FOXN3: variants seen among roughly 807,000 people sequenced by gnomAD.
FOXN3 encodes the protein forkhead box N3.
Under a neutral mutation model 38.4 loss-of-function variants are expected in FOXN3, and 7 were observed. The observed-to-expected ratio is 0.18, with a 90% CI of 0.10 to 0.34. The LOEUF is 0.34. Ranked by LOEUF, FOXN3 falls within the 10% of genes least tolerant of loss-of-function variation. FOXN3 has a pLI of 1.00. For synonymous variants in FOXN3, 230 were observed against 242.2 expected (o/e 0.95, Z 0.47); for missense variants, 456 against 613.4 (o/e 0.74, Z 2.71).
intron 3 of FOXN3, among the ~76,000 whole-genome samples, chr14:89,289,918 A>G (rs1309776880): frequency 3.3e-5 from 5 of 152,220 alleles, no homozygotes; most frequent in African/African-American, 1.2e-4. Flanking sequence ...TTTACCTATC[A>G]GTTACTATGT....
At chr14:89,479,857 C>T (rs543511121) in intron 1 of FOXN3, among the ~76,000 whole-genome samples, 38 of 152,230 alleles carry the variant, frequency 2.5e-4, no homozygotes, top group Admixed American at 1.1e-3. Context: ...AGAGCCATTA[C>T]CAAAGGTGCT....
At chr14:89,441,921 A>ATTTTTT (rs1892392182) in intron 1 of FOXN3, among the ~76,000 whole-genome samples, 1 of 93,098 alleles carries the variant, frequency 1.1e-5, no homozygotes, top group African/African-American at 4.1e-5. Context: ...AAACCGGCTG[A>ATTTTTT]CTTTTTTTTT....
At chr14:89,604,208 C>A (rs1896217166) in intron 1 of FOXN3, among the ~76,000 whole-genome samples, 1 of 35,292 alleles carries the variant, frequency 2.8e-5, no homozygotes, top group South Asian at 6.3e-4. Context: ...CAAAACAAAA[C>A]ACACACACAC....
upstream of FOXN3, chr14:89,419,514 C>T (rs1891847312): frequency 4.4e-6 from 1 of 228,516 alleles, no homozygotes; most frequent in Admixed American, 5.3e-5. Context: ...TTTACAAACA[C>T]ATTTAACAGC....
intron 3 of FOXN3, 196 bp downstream of exon 3, chr14:89,350,474 CCT>C (rs761771673): frequency 2.6e-5 from 11 of 419,742 alleles, no homozygotes; most frequent in Non-Finnish European, 4.1e-5. Context: ...GAAGCACATT[CCT>C]CTGACGCTGC....
rs571451976 is a variant in FOXN3 at position 89,345,864 on chromosome 14, C to G, written c.680+4808G>C. Among the ~76,000 whole-genome samples, 7 of 152,282 alleles carry G rather than the reference C, an allele frequency of 4.6e-5. No individual in the cohort carries two copies. The South Asian group carries it at 1.4e-3, about 32-fold the overall frequency. ...GTCAGGAGTTCAAGACCAGCCTGGC[C>G]AAGATGGTGAAACCCCGTCTCTACT... On this transcript the variant is annotated intron_variant, in intron 3 of 5. Coordinates refer to ENST00000557258, the MANE Select transcript of FOXN3 (RefSeq NM_005197.4).
intron 1 of FOXN3, among the ~76,000 whole-genome samples, chr14:89,504,550 G>A (rs1167296590): frequency 6.6e-6 from 1 of 152,136 alleles, no homozygotes; most frequent in Non-Finnish European, 1.5e-5. Flanking sequence ...CATTAGAGAA[G>A]GCCACAGTAA....
At chr14:89,256,025 C>T (rs1036020571) in intron 4 of FOXN3, among the ~76,000 whole-genome samples, 5 of 152,218 alleles carry the variant, frequency 3.3e-5, no homozygotes, top group Middle Eastern at 3.4e-3. Context: ...GGAGGTGGGT[C>T]TGACACCAGC....
chr14:89,396,642 G>A (rs1392914562), intron 2 of FOXN3, among the ~76,000 whole-genome samples: 2 of 152,074 alleles, frequency 1.3e-5, no homozygotes, highest in African/African-American at 4.8e-5. Context: ...GACCAGCCTG[G>A]CCAACATGGT....
chr14:89,263,324 T>C (rs1428934548), intron 4 of FOXN3, among the ~76,000 whole-genome samples: 1 of 152,150 alleles, frequency 6.6e-6, no homozygotes, highest in Non-Finnish European at 1.5e-5. Context: ...TAACTTACAG[T>C]TGTGAACCTA....
At chr14:89,598,605 C>T (rs1293521896) in intron 1 of FOXN3, among the ~76,000 whole-genome samples, 1 of 152,142 alleles carries the variant, frequency 6.6e-6, no homozygotes, top group Non-Finnish European at 1.5e-5. Context: ...TTTTTAATAT[C>T]TTTAACTCTT....
chr14:89,267,101 G>C (rs1484499373), intron 4 of FOXN3, among the ~76,000 whole-genome samples: 1 of 152,166 alleles, frequency 6.6e-6, no homozygotes, highest in South Asian at 2.1e-4. Context: ...AAAAAAGACA[G>C]GGAGATGAAA....
chr14:89,400,357 CTG>C (rs1312413714), intron 2 of FOXN3, among the ~76,000 whole-genome samples: 2 of 152,164 alleles, frequency 1.3e-5, no homozygotes, highest in South Asian at 2.1e-4. Context: ...CACCTATGCA[CTG>C]TGTTTCAGAT....
At chr14:89,381,556 G>T (rs889064279) in intron 2 of FOXN3, among the ~76,000 whole-genome samples, 109 of 93,272 alleles carry the variant, frequency 1.2e-3, no homozygotes, top group African/African-American at 3.3e-3. Context: ...AAAAAAAAAG[G>T]TTTGCTTAAG....
At chr14:89,224,944 C>T (rs574321048) in intron 4 of FOXN3, among the ~76,000 whole-genome samples, 36 of 151,680 alleles carry the variant, frequency 2.4e-4, no homozygotes, top group African/African-American at 6.8e-4. Flanking sequence ...TCCTGGCCAA[C>T]GTGGTGAAAC....
intron 1 of FOXN3, among the ~76,000 whole-genome samples, chr14:89,448,699 G>T (rs780287858): frequency 1.9e-4 from 29 of 152,108 alleles, no homozygotes; most frequent in Admixed American, 5.9e-4. Flanking sequence ...AGCACTTTGG[G>T]AGGTCAAGGC....
rs577056511 is a variant in FOXN3, at chr14:89,433,746, A to AG, written c.-14-21257dup. Among the ~76,000 whole-genome samples the AG allele has an allele frequency of 4.8e-3, 731 of 150,766 alleles. 4 individuals carry two copies. The highest frequency in any genetic ancestry group is 0.016 in the African/African-American group (679 of 41,164). ...TTGAATCCAGGAGGCAAGGTGGCGG[A>AG]GGTTGCAGTGAGCTGAGATCACGCC... is the stretch of plus-strand genomic sequence containing the variant. On this transcript the variant is annotated intron_variant, in intron 1 of 6. Transcript: ENST00000345097.
chr14:89,190,954 TG>T (rs1887926076), intron 4 of FOXN3, among the ~76,000 whole-genome samples: 3 of 152,208 alleles, frequency 2.0e-5, no homozygotes, highest in African/African-American at 7.2e-5. Context: ...GTTATGTGTT[TG>T]TAACAGTGGT....
chr14:89,168,456 C>A (rs576535431), intron 5 of FOXN3, among the ~76,000 whole-genome samples: 1 of 152,010 alleles, frequency 6.6e-6, no homozygotes, highest in South Asian at 2.1e-4. Context: ...CATAGCAAGA[C>A]CCTGCCTCAA....
Sources: gnomAD v4.1 joint callset for allele counts (sites outside exome capture counted in the v4.1 genomes callset) on GRCh38, gnomAD v4.1.1 for gene constraint, MANE v1.5 for transcripts, NCBI Gene and HGNC (gene_info 2026-07-23, HGNC 2026-07-21) for gene names.